Variants in TMTC3 observed in about 807,000 individuals in gnomAD.
The protein encoded by TMTC3 is transmembrane O-mannosyltransferase targeting cadherins 3.
In TMTC3, 52 loss-of-function variants were observed where a neutral mutation model predicts 92.2. That is an observed-to-expected ratio of 0.56 (90% CI 0.45 to 0.71). The LOEUF (loss-of-function observed/expected upper bound fraction) is 0.71. Ranked by LOEUF, TMTC3 falls within the 30% of genes least tolerant of loss-of-function variation. The pLI, the probability that TMTC3 is intolerant of heterozygous loss-of-function variation, is 0.00. For synonymous variants in TMTC3, 339 were observed against 363.3 expected, an observed-to-expected ratio of 0.93 and a Z score of 0.76; for missense variants, 896 against 1,057.1, an observed-to-expected ratio of 0.85 and a Z score of 2.11.
chr12:88,185,102 A>G (rs1396844581), intron 10 of TMTC3, among the ~76,000 whole-genome samples: 2 of 152,142 alleles, frequency 1.3e-5, no homozygotes, highest in Non-Finnish European at 2.9e-5. Context: ...TAGACTATAC[A>G]TGTTTAAAAT....
rs1219810685 is a variant in TMTC3, at chr12:88,166,531, G to A, written c.999G>A (p.Leu333=). Residue 333 remains leucine (L), a synonymous_variant, in exon 7 of 14, where the codon TTG becomes TTA. Coordinates refer to ENST00000266712, the MANE Select transcript of TMTC3 (RefSeq NM_181783.4). ...CTTTCTTTTGTTTTCTGGGGATGTTGGGAGTATTCAGTATCAGATACTCTG... is the reference window on the plus strand; with the variant it reads ...CTTTCTTTTGTTTTCTGGGGATGTTAGGAGTATTCAGTATCAGATACTCTG... The part of the protein sequence containing the change: ...TFTFFCFLGM[L]GVFSIRYSGD... 1 of 1,613,712 alleles carries A rather than the reference G, an allele frequency of 6.2e-7. No individual in the cohort carries two copies.
At chr12:88,171,583 T>C (rs1402858933) in intron 7 of TMTC3, among the ~76,000 whole-genome samples, 1 of 152,162 alleles carries the variant, frequency 6.6e-6, no homozygotes, top group Non-Finnish European at 1.5e-5. Flanking sequence ...GTACCACATT[T>C]TTTTCATCCA....
chr12:88,162,110 TG>T (rs1349401240), intron 6 of TMTC3, among the ~76,000 whole-genome samples: 3 of 152,242 alleles, frequency 2.0e-5, no homozygotes, highest in Non-Finnish European at 4.4e-5. Context: ...CTTCTCTGGG[TG>T]GAGAATTCTA....
chr12:88,165,913 G>A (rs2138393204), intron 6 of TMTC3, among the ~76,000 whole-genome samples: 1 of 152,238 alleles, frequency 6.6e-6, no homozygotes, highest in East Asian at 1.9e-4. Context: ...TAAAAGAAAT[G>A]TCTCATGTAG....
intron 7 of TMTC3, among the ~76,000 whole-genome samples, chr12:88,166,991 AGT>A (rs2041150968): frequency 1.3e-5 from 1 of 78,090 alleles, no homozygotes; most frequent in Admixed American, 2.0e-4. Context: ...TTATTTGAAC[AGT>A]TTTTTTTTTT....
intron 12 of TMTC3, among the ~76,000 whole-genome samples, chr12:88,192,028 C>CTTTCT (rs1555234667): frequency 8.1e-6 from 1 of 123,032 alleles, no homozygotes; most frequent in African/African-American, 3.0e-5. Flanking sequence ...TTTTTTTTTT[C>CTTTCT]TTTTTTTTTT....
In TMTC3 at chr12:88,198,271, T is replaced by TAAATTAAGAA; in HGVS notation, c.*2622_*2623insAAATTAAGAA. ...GGAGGTGGGCACATTTAAGGTCAGT[T>TAAATTAAGAA]CACTAACCTATGGTTCAGAGTTCTG... On this transcript the variant is annotated 3_prime_UTR_variant, in exon 14 of 14. Coordinates refer to ENST00000266712, the MANE Select transcript of TMTC3 (RefSeq NM_181783.4). 1 of 397,840 alleles carries TAAATTAAGAA rather than the reference T, an allele frequency of 2.5e-6. No individual in the cohort carries two copies. 24.6% of individuals were successfully genotyped at this position (397,840 alleles called of 1,614,324 possible).
In TMTC3 at chr12:88,160,755, A is replaced by T; in HGVS notation, c.701A>T (p.Gln234Leu). 6.2e-7 allele frequency: 1 copy of T among 1,613,678 alleles called. No individual in the cohort carries two copies. Among genetic ancestry groups the T allele is most frequent in the Non-Finnish European group, 8.5e-7 (1 of 1,179,756 alleles). ...GKGSIPFSML[Q>L]TLVKLIVLMF... ...GGTAGCATTCCATTTTCTATGCTGC[A>T]GACACTAGTAAAACTCATTGTCTTG... The change falls in exon 6 of 14, where the codon CAG becomes CTG. Residue 234 changes from glutamine (Q) to leucine (L), a missense_variant. Transcript: ENST00000266712.
In TMTC3 at chr12:88,188,923, A is replaced by T; in HGVS notation, c.1513A>T (p.Met505Leu). The T allele has an allele frequency of 1.2e-6, 2 of 1,600,318 alleles. No homozygotes were observed. Among genetic ancestry groups the T allele is most frequent in the Non-Finnish European group, 1.7e-6 (2 of 1,172,756 alleles). Residue 505 changes from methionine to leucine, a missense_variant, in exon 11 of 14, where the codon ATG (methionine) becomes TTG (leucine). Coordinates refer to ENST00000266712, the MANE Select transcript of TMTC3 (RefSeq NM_181783.4). The part of the protein sequence containing the change: ...RTKEAEESYM[M>L]AKSLMPQIIP... Reference sequence around the variant, plus strand: ...CAAAGAAGCTGAAGAATCTTACATGATGGCTAAATCACTGATGCCTCAAGT... The same window carrying T: ...CAAAGAAGCTGAAGAATCTTACATGTTGGCTAAATCACTGATGCCTCAAGT...
At chr12:88,150,477 T>G (rs1173982058) in intron 2 of TMTC3, among the ~76,000 whole-genome samples, 9 of 152,176 alleles carry the variant, frequency 5.9e-5, no homozygotes, top group African/African-American at 1.9e-4. Context: ...TGTTCAGTGA[T>G]TTTCTCAGCT....
rs1180205741 is a variant in TMTC3, at chr12:88,193,123, T to C, written c.1933+293T>C. ...TAACTATTTTGTCATTTTATATACA[T>C]AAACATAATGTAACTTATATATAAA... is the stretch of plus-strand genomic sequence containing the variant. On this transcript the variant is annotated intron_variant, in intron 13 of 13. Transcript: ENST00000266712. 2.0e-5 allele frequency among the ~76,000 whole-genome samples: 3 copies of C among 152,136 alleles called. 1 individual carries two copies. The highest frequency in any genetic ancestry group is 7.2e-5 in the African/African-American group (3 of 41,446).
At position 88,199,750 on chromosome 12, in the gene TMTC3, A is replaced by G. The variant is rs1468151351; in HGVS notation, c.*4101A>G. On this transcript the variant is annotated 3_prime_UTR_variant, in exon 14 of 14. Transcript: ENST00000266712. ...AAGTCTGAAGACTGGATCCAGGCAA[A>G]TTCATGTTCTTTCTTTGTAACTCAC... is the stretch of plus-strand genomic sequence containing the variant. The G allele has an allele frequency of 1.3e-5, 2 of 152,206 alleles. No individual in the cohort carries two copies. Among genetic ancestry groups the G allele is most frequent in the African/African-American group, 4.8e-5 (2 of 41,468 alleles). 9.4% of individuals were successfully genotyped at this position (152,206 alleles called of 1,614,324 possible).
At chr12:88,166,663 A>G (rs2138394733) in intron 7 of TMTC3, 81 bp downstream of exon 7, 1 of 1,433,838 alleles carries the variant, frequency 7.0e-7, no homozygotes, top group Admixed American at 2.5e-5. Context: ...CAGCAAAAGC[A>G]TCTTTTTAGA....
Position 88,192,758 on chromosome 12 carries a change from A to T in TMTC3, c.1861A>T (p.Asn621Tyr). 1 of 1,613,478 alleles carries T rather than the reference A, an allele frequency of 6.2e-7. No homozygotes were observed. Among genetic ancestry groups the T allele is most frequent in the Non-Finnish European group, 8.5e-7 (1 of 1,179,678 alleles). Reference sequence around the variant, plus strand: ...ACCAAATGAAGCCCTAAAAAACTTTAATCGTGCTCTGGAACTAAATCCAAA... The same window carrying T: ...ACCAAATGAAGCCCTAAAAAACTTTTATCGTGCTCTGGAACTAAATCCAAA... ...KEPNEALKNF[N>Y]RALELNPKHK... Residue 621 changes from asparagine to tyrosine, a missense_variant, in exon 13 of 14, where the codon AAT becomes TAT. Asn to Tyr is a moderately radical substitution (Grantham distance 143, BLOSUM62 -2). Coordinates refer to ENST00000266712, the MANE Select transcript of TMTC3 (RefSeq NM_181783.4).
chr12:88,193,375 C>T (rs755756635), intron 13 of TMTC3, among the ~76,000 whole-genome samples: 2 of 151,906 alleles, frequency 1.3e-5, no homozygotes, highest in African/African-American at 2.4e-5. Context: ...AATCTGGATC[C>T]TTCATCCATA....
intron 10 of TMTC3, among the ~76,000 whole-genome samples, chr12:88,178,008 A>G (rs190669651): frequency 3.0e-4 from 46 of 152,334 alleles, no homozygotes; most frequent in Non-Finnish European, 8.8e-5. Context: ...TACAACACTG[A>G]TAAGAATAGC....
intron 1 of TMTC3, among the ~76,000 whole-genome samples, chr12:88,144,943 A>G (rs971867534): frequency 3.3e-5 from 5 of 152,188 alleles, no homozygotes; most frequent in African/African-American, 4.8e-5. Flanking sequence ...TTATGTGACA[A>G]TGTTGTAAGT....
intron 12 of TMTC3, among the ~76,000 whole-genome samples, chr12:88,191,280 C>T (rs1011946726): frequency 2.0e-5 from 3 of 151,942 alleles, no homozygotes; most frequent in Non-Finnish European, 4.4e-5. Flanking sequence ...TTTGTTCCGC[C>T]GTGCCTATTG....
rs1449258068 is a variant in TMTC3 at position 88,160,711 on chromosome 12, A to T, written c.657A>T (p.Gly219=). 1.2e-6 allele frequency: 2 copies of T among 1,613,540 alleles called. No homozygotes were observed. Among genetic ancestry groups the T allele is most frequent in the Admixed American group, 3.3e-5 (2 of 59,980 alleles). Residue 219 remains glycine (G), a synonymous_variant, in exon 6 of 14, where the codon GGA becomes GGT. Coordinates refer to ENST00000266712, the MANE Select transcript of TMTC3 (RefSeq NM_181783.4). ...YTLPLLCTTA[G]QFLRGKGSIP... ...TGCCATTACTATGTACTACTGCTGG[A>T]CAGTTTCTCCGTGGAAAGGGTAGCA...
Sources: gnomAD v4.1 joint callset for allele counts (sites outside exome capture counted in the v4.1 genomes callset) on GRCh38, gnomAD v4.1.1 for gene constraint, MANE v1.5 for transcripts, NCBI Gene and HGNC (gene_info 2026-07-23, HGNC 2026-07-21) for gene names.